The following SIGIRR variants were observed in gnomAD, a reference collection of about 807,000 sequenced individuals.
SIGIRR encodes the protein single Ig and TIR domain containing.
In SIGIRR, 41 loss-of-function variants were observed where a neutral mutation model predicts 45.6. The ratio of observed to expected loss-of-function variants is 0.90; its 90% CI spans 0.70 to 1.17. The LOEUF (loss-of-function observed/expected upper bound fraction) is 1.17. Among genes scored for constraint, SIGIRR ranks in the 50% most tolerant of loss-of-function variants. The pLI is 0.00. For synonymous variants in SIGIRR, 298 were observed against 239.0 expected, an observed-to-expected ratio of 1.25 and a Z score of -2.28; for missense variants, 599 against 539.6, an observed-to-expected ratio of 1.11 and a Z score of -1.09.
Position 406,915 on chromosome 11 carries a change from C to G in SIGIRR, c.807G>C (p.Ala269=). 1 of 1,594,076 alleles carries G rather than the reference C, an allele frequency of 6.3e-7. No homozygotes were observed. Among genetic ancestry groups the G allele is most frequent in the Admixed American group, 1.7e-5 (1 of 58,288 alleles). The part of the protein sequence containing the change: ...ITFEGQRRDP[A]HPALRLLRQH... ...GGCGCAGCAGGCGGAGCGCCGGGTG[C>G]GCGGGGTCGCGCCTCTGGCCCTCGA... The change falls in exon 8 of 10, where the codon GCG becomes GCC. Residue 269 remains alanine (A), a synonymous_variant. Transcript: ENST00000431843.
At chr11:415,622 C>G (rs1370901438), upstream of SIGIRR, among the ~76,000 whole-genome samples, 1 of 152,196 alleles carries the variant, frequency 6.6e-6, no homozygotes, top group Non-Finnish European at 1.5e-5. The surrounding 1 kb of genome is among the most constrained non-coding windows in gnomAD (Gnocchi z 6.6). Flanking sequence ...ATAGCTCCCC[C>G]GATGGGTGAG....
At position 405,900 on chromosome 11, in the gene SIGIRR, A is replaced by C; in HGVS notation, c.1229T>G (p.Met410Arg). The C allele has an allele frequency of 6.3e-7, 1 of 1,596,264 alleles. No individual in the cohort carries two copies. The highest frequency in any genetic ancestry group is 8.6e-7 in the Non-Finnish European group (1 of 1,168,154). Reference sequence around the variant, plus strand: ...TCCTGCACTCTGGGGTGGGAGCTACATATCATCCTTGGACACCAGGCAGTA... The same window carrying C: ...TCCTGCACTCTGGGGTGGGAGCTACCTATCATCCTTGGACACCAGGCAGTA... Reference protein sequence around the residue: ...DFYCLVSKDDM With the variant: ...DFYCLVSKDDR Residue 410 changes from methionine (M) to arginine (R), a missense_variant, in exon 10 of 10, where the codon ATG becomes AGG. Physicochemically the swap from Met to Arg is moderately conservative, Grantham distance 91 (BLOSUM62 -1). Transcript: ENST00000431843.
Position 407,409 on chromosome 11 carries a change from G to GTGGGGCCCGGGA in SIGIRR, c.625+4_625+15dup, listed in dbSNP as rs755561324. 96 of 1,530,424 alleles carry GTGGGGCCCGGGA rather than the reference G, an allele frequency of 6.3e-5. No individual in the cohort carries two copies. The highest frequency in any genetic ancestry group is 7.9e-5 in the Non-Finnish European group (90 of 1,138,176). The allele number at this position is 1,530,424 out of a possible 1,614,324, so 94.8% of individuals were successfully genotyped here. A position where few individuals can be genotyped will look rare whatever the true frequency, so the allele number is the denominator to read the frequency against. ...GCCCTCCGGGTGGGCGGGGCACGGG[G>GTGGGGCCCGGGA]TGGGGCCCGGGATACCAGCGCGCGG... On this transcript the variant is annotated intron_variant, in intron 6 of 9. Coordinates refer to ENST00000431843, the MANE Select transcript of SIGIRR (RefSeq NM_001135054.2).
Position 407,818 on chromosome 11 carries a change from G to A in SIGIRR, c.480C>T (p.Asn160=). The A allele has an allele frequency of 6.2e-7, 1 of 1,612,486 alleles. No individual in the cohort carries two copies. Among genetic ancestry groups the A allele is most frequent in the African/African-American group, 1.3e-5 (1 of 75,056 alleles). ...CGCGCCCACGCGGGCCCCACGCACC[G>A]TTTATCTCCACCTCCCCATACGCGT... The part of the protein sequence containing the change: ...YQDAYGEVEI[N]DGKLYDAYVS... Residue 160 remains asparagine, a splice_region_variant and synonymous_variant, in exon 5 of 10, where the codon AAC becomes AAT. Transcript: ENST00000431843.
intron 3 of SIGIRR, among the ~76,000 whole-genome samples, 155 bp downstream of exon 3, chr11:408,540 C>T (rs1435107412): frequency 6.6e-6 from 1 of 152,166 alleles, no homozygotes; most frequent in Non-Finnish European, 1.5e-5. Flanking sequence ...AAGGGTCTGT[C>T]CCTGACATTA....
Position 407,147 on chromosome 11 carries a change from A to G in SIGIRR, c.643T>C (p.Leu215=). The G allele has an allele frequency of 6.7e-7, 1 of 1,484,144 alleles. No individual in the cohort carries two copies. The highest frequency in any genetic ancestry group is 1.2e-5 in the South Asian group (1 of 81,990). The allele number at this position is 1,484,144 out of a possible 1,614,324, so 91.9% of individuals were successfully genotyped here. A position where few individuals can be genotyped will look rare whatever the true frequency, so the allele number is the denominator to read the frequency against. Residue 215 remains leucine, a synonymous_variant, in exon 7 of 10, where the codon TTG becomes CTG. Coordinates refer to ENST00000431843, the MANE Select transcript of SIGIRR (RefSeq NM_001135054.2). ...LPRAEPSADL[L]VNLSRCRRLI... ...CGTCGGCAGCGGCTCAGGTTCACCA[A>G]GAGGTCGGCGGAGGGCTCTGCGGGA...
chr11:406,414 C>T lies in SIGIRR; in HGVS notation c.1004G>A (p.Arg335Gln), dbSNP rs781576128. The T allele has an allele frequency of 5.6e-6, 9 of 1,612,624 alleles. No individual in the cohort carries two copies. The highest frequency in any genetic ancestry group is 7.6e-6 in the Non-Finnish European group (9 of 1,179,916). The change falls in exon 9 of 10, where the codon CGA becomes CAA. Residue 335 changes from arginine to glutamine, a missense_variant. By Grantham distance (43) the Arg-to-Gln change is conservative (BLOSUM62 1). Coordinates refer to ENST00000431843, the MANE Select transcript of SIGIRR (RefSeq NM_001135054.2). ...QDDKDPMLIL[R>Q]GRVPEGRALD... ...GGCCCGGCCCTCAGGGACTCGGCCT[C>T]GAAGAATCAGCATGGGGTCCTTGTC...
chr11:406,975 C>A lies in SIGIRR; in HGVS notation c.747G>T (p.Leu249=). The change falls in exon 8 of 10, where the codon CTG becomes CTT. Residue 249 remains leucine (L), a synonymous_variant. Transcript: ENST00000431843. ...SHSFREGLCR[L]LELTRRPIFI... ...AGATGGGTCTGCGGGTGAGCTCCAG[C>A]AGCCGGCACAGGCCCTCCCTGCGGG... 1 of 1,600,770 alleles carries A rather than the reference C, an allele frequency of 6.2e-7. No individual in the cohort carries two copies.
chr11:415,980 A>G (rs951006716), upstream of SIGIRR, among the ~76,000 whole-genome samples: 2 of 152,118 alleles, frequency 1.3e-5, no homozygotes, highest in Non-Finnish European at 2.9e-5. The surrounding 1 kb of genome is among the most constrained non-coding windows in gnomAD (Gnocchi z 6.6). Flanking sequence ...GGCTTTCTAC[A>G]GGTACTTGTC....
chr11:409,074 A>G, intron 2 of SIGIRR, 181 bp from the exon 3 acceptor site: 1 of 637,136 alleles, frequency 1.6e-6, no homozygotes, highest in East Asian at 2.8e-5. Flanking sequence ...AGTAGTGGCC[A>G]GGCTTTGGGT....
chr11:416,040 C>T (rs1016678290), upstream of SIGIRR, among the ~76,000 whole-genome samples: 2 of 152,154 alleles, frequency 1.3e-5, no homozygotes, highest in Non-Finnish European at 2.9e-5. This position sits in a 1 kb window ranked among gnomAD's most constrained non-coding sequence, Gnocchi z 9.1. Flanking sequence ...GGTACTCAGC[C>T]TTGGGTGATG....
At chr11:408,673 C>T in intron 3 of SIGIRR, 22 bp downstream of exon 3, 1 of 1,612,048 alleles carries the variant, frequency 6.2e-7, no homozygotes, top group Non-Finnish European at 8.5e-7. Context: ...TCACTCTGAC[C>T]CTGGATACCC....
In SIGIRR at chr11:414,927, G is replaced by A. The variant is rs1847839530; in HGVS notation, c.-258C>T. 1.0e-6 allele frequency: 1 copy of A among 963,470 alleles called. No individual in the cohort carries two copies. The highest frequency in any genetic ancestry group is 1.2e-6 in the Non-Finnish European group (1 of 809,856). 59.7% of individuals were successfully genotyped at this position (963,470 alleles called of 1,614,324 possible). A position where few individuals can be genotyped will look rare whatever the true frequency, so the allele number is the denominator to read the frequency against. Reference sequence around the variant, plus strand: ...CCCCAGGGAGTGTCCACAGCACCAAGGCTGCTATGGATGCATCGCCAAGCG... The same window carrying A: ...CCCCAGGGAGTGTCCACAGCACCAAAGCTGCTATGGATGCATCGCCAAGCG... On this transcript the variant is annotated 5_prime_UTR_variant, in exon 1 of 10. Coordinates refer to ENST00000431843, the MANE Select transcript of SIGIRR (RefSeq NM_001135054.2).
chr11:410,411 C>T (rs560382051), intron 1 of SIGIRR, among the ~76,000 whole-genome samples: 37 of 152,292 alleles, frequency 2.4e-4, no homozygotes, highest in Admixed American at 3.9e-4. Flanking sequence ...GTGCCAGAGA[C>T]ACAGCCTGGC....
At chr11:416,367 C>T (rs924405605), upstream of SIGIRR, among the ~76,000 whole-genome samples, 14 of 152,120 alleles carry the variant, frequency 9.2e-5, no homozygotes, top group Non-Finnish European at 2.1e-4. The surrounding 1 kb of genome is among the most constrained non-coding windows in gnomAD (Gnocchi z 9.1). Context: ...GTCCTGCACC[C>T]CCGAGCCCCC....
Position 407,420 on chromosome 11 carries a change from G to T in SIGIRR, c.625+5C>A. 6.5e-7 allele frequency: 1 copy of T among 1,543,052 alleles called. No individual in the cohort carries two copies. Among genetic ancestry groups the T allele is most frequent in the Non-Finnish European group, 8.7e-7 (1 of 1,144,042 alleles). ...GGGCGGGGCACGGGGTGGGGCCCGG[G>T]ATACCAGCGCGCGGCAGGAGGTCGC... On this transcript the variant is annotated splice_donor_5th_base_variant and intron_variant, in intron 6 of 9. Transcript: ENST00000431843.
rs1847839229 is a variant in SIGIRR, at chr11:414,918, C to T, written c.-249G>A. On this transcript the variant is annotated 5_prime_UTR_variant, in exon 1 of 10. The change creates a new upstream start codon in the 5' untranslated region. Transcript: ENST00000431843. ...TTCGCTGGGCCCCAGGGAGTGTCCA[C>T]AGCACCAAGGCTGCTATGGATGCAT... The T allele has an allele frequency of 2.0e-6, 2 of 976,850 alleles. No homozygotes were observed. The highest frequency in any genetic ancestry group is 1.8e-5 in the African/African-American group (1 of 57,082). The allele number at this position is 976,850 out of a possible 1,614,324, so 60.5% of individuals were successfully genotyped here.
At chr11:406,279 C>A (rs1417563191) in intron 9 of SIGIRR, 70 bp downstream of exon 9, 1 of 1,566,278 alleles carries the variant, frequency 6.4e-7, no homozygotes, top group East Asian at 2.4e-5. Flanking sequence ...AGGCCCTGTG[C>A]CCTGTGCCTG....
intron 1 of SIGIRR, among the ~76,000 whole-genome samples, chr11:413,892 C>A (rs1207984163): frequency 3.3e-5 from 4 of 123,038 alleles, no homozygotes; most frequent in African/African-American, 6.3e-5. Context: ...TCTCCCCTCC[C>A]CACCTTCCCC....
Sources: gnomAD v4.1 joint callset for allele counts (sites outside exome capture counted in the v4.1 genomes callset) on GRCh38, gnomAD v4.1.1 for gene constraint, Gnocchi (gnomAD v3.1) non-coding constraint, MANE v1.5 for transcripts, NCBI Gene and HGNC (gene_info 2026-07-23, HGNC 2026-07-21) for gene names.